SEC11A: variants seen among roughly 807,000 people sequenced by gnomAD.
SEC11A encodes SEC11 homolog A, signal peptidase complex subunit.
SEC11A carries 14 observed loss-of-function variants against 25.6 expected under a neutral mutation model. The ratio of observed to expected loss-of-function variants is 0.55; its 90% confidence interval spans 0.36 to 0.85. SEC11A has a LOEUF of 0.85. Ranked by LOEUF, SEC11A falls within the 40% of genes least tolerant of loss-of-function variation. SEC11A has a pLI of 0.01. For synonymous variants in SEC11A, 83 were observed against 76.4 expected, an observed-to-expected ratio of 1.09 and a Z score of -0.45; for missense variants, 153 against 222.9, an observed-to-expected ratio of 0.69 and a Z score of 2.00.
chr15:84,675,139 C>CTT (rs1897102766), intron 4 of SEC11A, among the ~76,000 whole-genome samples: 1 of 152,168 alleles, frequency 6.6e-6, no homozygotes. Context: ...AACTCATGTG[C>CTT]TAAAGCAGAG....
intron 1 of SEC11A, among the ~76,000 whole-genome samples, chr15:84,692,771 T>C (rs2141898256): frequency 6.6e-6 from 1 of 152,296 alleles, no homozygotes; most frequent in South Asian, 2.1e-4. Context: ...TGAAAAAGCA[T>C]ATATTAAGGT....
chr15:84,680,978 A>G, intron 3 of SEC11A, 146 bp from the exon 4 acceptor site: 1 of 643,406 alleles, frequency 1.6e-6, no homozygotes, highest in South Asian at 3.0e-5. Flanking sequence ...TGGAGCTACA[A>G]GAATGTTAAT....
chr15:84,673,054 GC>G, intron 4 of SEC11A: 1 of 183,242 alleles, frequency 5.5e-6, no homozygotes, highest in Non-Finnish European at 1.2e-5. Context: ...GAAGTGAGGA[GC>G]CCCTCCGTCC....
chr15:84,674,905 G>C (rs1234308180), intron 4 of SEC11A, among the ~76,000 whole-genome samples: 1 of 152,136 alleles, frequency 6.6e-6, no homozygotes, highest in East Asian at 1.9e-4. Context: ...CACTGTAAGT[G>C]AAATGAAAGC....
At chr15:84,713,931 G>C (rs772236790) in intron 1 of SEC11A, among the ~76,000 whole-genome samples, 1 of 151,536 alleles carries the variant, frequency 6.6e-6, no homozygotes, top group Admixed American at 6.6e-5. Context: ...TCCTACCACT[G>C]CTAGAACAGG....
chr15:84,688,247 G>A (rs1487850078), intron 2 of SEC11A, among the ~76,000 whole-genome samples: 1 of 152,080 alleles, frequency 6.6e-6, no homozygotes, highest in Non-Finnish European at 1.5e-5. Flanking sequence ...TCATTTAGAA[G>A]GAAAAATGGC....
At position 84,669,959 on chromosome 15, in the gene SEC11A, A is replaced by G. The variant is rs781754194; in HGVS notation, c.*60T>C. ...TTCCACCAATCACAGACCAGTATCTACTCCAAACATCCAGTAACGAAAACT... is the reference window on the plus strand; with the variant it reads ...TTCCACCAATCACAGACCAGTATCTGCTCCAAACATCCAGTAACGAAAACT... On this transcript the variant is annotated 3_prime_UTR_variant, in exon 6 of 6. Transcript: ENST00000268220. The G allele has an allele frequency of 6.0e-5, 97 of 1,611,002 alleles. No homozygotes were observed. The highest frequency in any genetic ancestry group is 5.0e-5 in the Admixed American group (3 of 59,606).
chr15:84,714,080 G>T (rs1397396216), intron 1 of SEC11A, among the ~76,000 whole-genome samples: 4 of 136,808 alleles, frequency 2.9e-5, no homozygotes, highest in Admixed American at 8.1e-5. Context: ...GGAGTGCGGT[G>T]GCACGATCTC....
chr15:84,704,880 G>A (rs940898120), intron 1 of SEC11A, among the ~76,000 whole-genome samples: 2 of 151,458 alleles, frequency 1.3e-5, no homozygotes, highest in African/African-American at 4.9e-5. Context: ...CCTCATCCTG[G>A]AGGATAGTAG....
At chr15:84,670,113 A>C (rs768401422) in intron 5 of SEC11A, 44 bp from the exon 6 acceptor site, 1 of 1,595,870 alleles carries the variant, frequency 6.3e-7, no homozygotes, top group Non-Finnish European at 8.5e-7. Flanking sequence ...AGCGTTGAAA[A>C]GTTCAGAGGT....
intron 4 of SEC11A, among the ~76,000 whole-genome samples, chr15:84,679,551 C>T (rs1180415606): frequency 5.9e-5 from 9 of 152,216 alleles, no homozygotes; most frequent in Admixed American, 3.9e-4. Context: ...TGTATCCATA[C>T]AGTCTGTTCT....
At chr15:84,709,753 A>AT (rs1056958246) in intron 1 of SEC11A, among the ~76,000 whole-genome samples, 1 of 141,910 alleles carries the variant, frequency 7.0e-6, no homozygotes, top group Non-Finnish European at 1.5e-5. Flanking sequence ...TCTTCTGTTC[A>AT]TTTTTTTGAG....
At chr15:84,712,147 G>A (rs932385154) in intron 1 of SEC11A, among the ~76,000 whole-genome samples, 2 of 151,994 alleles carry the variant, frequency 1.3e-5, no homozygotes, top group African/African-American at 4.8e-5. Context: ...AGGCTAAGGT[G>A]GGAGGATTGC....
At chr15:84,680,666 C>T in intron 4 of SEC11A, 47 bp downstream of exon 4, 2 of 1,523,942 alleles carry the variant, frequency 1.3e-6, no homozygotes, top group East Asian at 2.3e-5. Flanking sequence ...GAGAGGGCCA[C>T]ACTTCAAGTG....
intron 3 of SEC11A, among the ~76,000 whole-genome samples, chr15:84,687,294 G>A (rs1320498577): frequency 1.3e-5 from 2 of 152,172 alleles, no homozygotes; most frequent in African/African-American, 2.4e-5. Context: ...GATTGTAGGC[G>A]TGAGCCACTG....
intron 4 of SEC11A, among the ~76,000 whole-genome samples, chr15:84,674,866 T>C (rs1229151152): frequency 4.6e-5 from 7 of 152,066 alleles, no homozygotes; most frequent in Admixed American, 3.9e-4. Flanking sequence ...AACCTGAAAC[T>C]TTTTTTTAAA....
intron 3 of SEC11A, among the ~76,000 whole-genome samples, chr15:84,681,556 G>C (rs915296190): frequency 6.6e-6 from 1 of 152,162 alleles, no homozygotes; most frequent in African/African-American, 2.4e-5. Flanking sequence ...CTTGAACCCA[G>C]GAGGCGGAGG....
intron 1 of SEC11A, among the ~76,000 whole-genome samples, chr15:84,715,453 T>A (rs1309608557): frequency 6.6e-6 from 1 of 152,198 alleles, no homozygotes; most frequent in Admixed American, 6.5e-5. Context: ...GCTGCCGCCT[T>A]AGTGCTAAGC....
intron 1 of SEC11A, among the ~76,000 whole-genome samples, chr15:84,702,647 A>G (rs1335993838): frequency 6.6e-6 from 1 of 152,120 alleles, no homozygotes; most frequent in African/African-American, 2.4e-5. Flanking sequence ...TTTACATATT[A>G]GACAACTTTG....
Sources: gnomAD v4.1 joint callset for allele counts (sites outside exome capture counted in the v4.1 genomes callset) on GRCh38, gnomAD v4.1.1 for gene constraint, MANE v1.5 for transcripts, NCBI Gene and HGNC (gene_info 2026-07-23, HGNC 2026-07-21) for gene names.